Variants in AGAP1 observed in about 807,000 individuals in gnomAD.
AGAP1 encodes the protein ArfGAP with GTPase domain, ankyrin repeat and PH domain 1, also known as arf-GAP with GTPase, ANK repeat and PH domain-containing protein 1.
In AGAP1, 29 loss-of-function variants were observed where a neutral mutation model predicts 105.3. That is an observed-to-expected ratio of 0.28 (90% CI 0.21 to 0.38). AGAP1 has a LOEUF of 0.38. AGAP1 is among the 10% of genes least tolerant of loss of function. The pLI, the probability that AGAP1 is intolerant of heterozygous loss-of-function variation, is 1.00. For missense variants in AGAP1, 998 were observed against 1,165.1 expected (o/e 0.86, Z 2.09); for synonymous variants, 509 against 485.9 (o/e 1.05, Z -0.63).
chr2:235,937,722 GTTCGTGATGTCCGGAGGCATTT>G (rs1469080152), intron 12 of AGAP1, among the ~76,000 whole-genome samples: 1 of 152,216 alleles, frequency 6.6e-6, no homozygotes, highest in African/African-American at 2.4e-5. Context: ...CCTTGGGACA[GTTCGTGATGTCCGGAGGCATTT>G]TTGGTTGTCA....
chr2:236,100,187 C>T (rs975020476), intron 16 of AGAP1, among the ~76,000 whole-genome samples: 5 of 152,188 alleles, frequency 3.3e-5, no homozygotes, highest in African/African-American at 1.2e-4. Context: ...CCGTGCCCCT[C>T]TTCTAAGGTT....
intron 6 of AGAP1, among the ~76,000 whole-genome samples, chr2:235,786,262 C>A (rs892675847): frequency 6.6e-6 from 1 of 152,122 alleles, no homozygotes; most frequent in Non-Finnish European, 1.5e-5. Flanking sequence ...CATCTCCTGG[C>A]CTTTTGAACA....
chr2:235,698,179 G>T (rs1950084343), intron 1 of AGAP1, among the ~76,000 whole-genome samples: 1 of 152,154 alleles, frequency 6.6e-6, no homozygotes, highest in Admixed American at 6.6e-5. Flanking sequence ...GCACTCCTGT[G>T]AGACTCTAAT....
At chr2:235,617,760 A>G (rs562852023) in intron 1 of AGAP1, among the ~76,000 whole-genome samples, 16 of 152,328 alleles carry the variant, frequency 1.1e-4, no homozygotes, top group African/African-American at 3.4e-4. Flanking sequence ...GGCCTGGCTA[A>G]TAGTTTGGAT....
At position 235,669,231 on chromosome 2, in the gene AGAP1, G is replaced by T. The variant is rs1280177723; in HGVS notation, c.164-39948G>T. Among the ~76,000 whole-genome samples the T allele has an allele frequency of 2.6e-5, 4 of 152,176 alleles. No individual in the cohort carries two copies. The South Asian group carries it at 8.3e-4, about 32-fold the overall frequency. On this transcript the variant is annotated intron_variant, in intron 1 of 17. Transcript: ENST00000304032. ...TTCTTGTCTTCCTGGAAGCCCACTT[G>T]TTCCTAGGTGAGGTTGGCGGTAACA...
rs1393468777 is a variant in AGAP1, at chr2:235,787,896, GGACCAAGAGCCAT to G, written c.674-9857_674-9845del. Among the ~76,000 whole-genome samples the G allele has an allele frequency of 6.6e-6, 1 of 151,880 alleles. No homozygotes were observed. The highest frequency in any genetic ancestry group is 1.9e-4 in the East Asian group (1 of 5,174). On this transcript the variant is annotated intron_variant, in intron 6 of 17. Coordinates refer to ENST00000304032, the MANE Select transcript of AGAP1 (RefSeq NM_001037131.3). The surrounding 1 kb of genome is among the most constrained non-coding windows in gnomAD (Gnocchi z 4.4). The stretch of plus-strand genomic sequence containing the variant: ...AGCGTTCTAGACCATGAGCATTCTG[GGACCAAGAGCCAT>G]GACCATGAGCATTCCGGGACCAAGA...
rs200291427 is a variant in AGAP1 at position 235,603,230 on chromosome 2, CCTG to C, written c.164-105947_164-105945del. On this transcript the variant is annotated intron_variant, in intron 1 of 17. Transcript: ENST00000304032. ...TTGCTCGGCTCTCGTCTCTCTCTTG[CCTG>C]CCGCCATGTAAGATGTGCCTTTCAC... Among the ~76,000 whole-genome samples the C allele has an allele frequency of 2.2e-3, 328 of 151,740 alleles. 3 individuals carry two copies. In the South Asian group the frequency reaches 0.022, roughly 10 times the overall value.
rs1007669986 is a variant in AGAP1 at position 236,045,219 on chromosome 2, T to C, written c.1892-3840T>C. On this transcript the variant is annotated intron_variant, in intron 15 of 17. Coordinates refer to ENST00000304032, the MANE Select transcript of AGAP1 (RefSeq NM_001037131.3). This position sits in a 1 kb window ranked among gnomAD's most constrained non-coding sequence, Gnocchi z 6.9. ...GCAGGAGCCACTGTGCTGGGCCTAG[T>C]TTTTTTTATTTTTTCCTGCTTGGTC... Among the ~76,000 whole-genome samples the C allele has an allele frequency of 7.9e-5, 12 of 152,054 alleles. No individual in the cohort carries two copies. The highest frequency in any genetic ancestry group is 2.9e-4 in the African/African-American group (12 of 41,410).
chr2:235,670,472 C>T (rs1948334596), intron 1 of AGAP1: 2 of 522,662 alleles, frequency 3.8e-6, no homozygotes, highest in African/African-American at 2.0e-5. Context: ...CGGCAGCGCC[C>T]CGGCCGAGGA....
chr2:235,673,843 A>G (rs981546804), intron 1 of AGAP1, among the ~76,000 whole-genome samples: 2 of 152,228 alleles, frequency 1.3e-5, no homozygotes, highest in African/African-American at 4.8e-5. Context: ...ATCTTTTCAT[A>G]TTCTTTAAAA....
At chr2:235,693,538 C>T (rs1051079717) in intron 1 of AGAP1, among the ~76,000 whole-genome samples, 4 of 152,114 alleles carry the variant, frequency 2.6e-5, no homozygotes, top group Admixed American at 1.3e-4. Context: ...CACAGTCATG[C>T]GAAGGCATTG....
intron 16 of AGAP1, among the ~76,000 whole-genome samples, chr2:236,094,143 C>G (rs554161228): frequency 6.6e-6 from 1 of 152,208 alleles, no homozygotes; most frequent in South Asian, 2.1e-4. Flanking sequence ...CAACTTCAGT[C>G]TTTTGACAAG....
rs554218426 is a variant in AGAP1, at chr2:235,768,350, CA to C, written c.673+17865del. On this transcript the variant is annotated intron_variant, in intron 6 of 17. Coordinates refer to ENST00000304032, the MANE Select transcript of AGAP1 (RefSeq NM_001037131.3). ...ATCCAATCACAAACTCAGTATTCTT[CA>C]AACATTTTCTCTATCAGAATATGTA... 1.6e-3 allele frequency among the ~76,000 whole-genome samples: 246 copies of C among 152,312 alleles called. 2 individuals carry two copies. Among genetic ancestry groups the C allele is most frequent in the African/African-American group, 5.6e-3 (234 of 41,566 alleles).
At position 236,098,629 on chromosome 2, in the gene AGAP1, T is replaced by G. The variant is rs1002589470; in HGVS notation, c.2115-21563T>G. ...ATGAAATCTTTTTTTCCTTTTTTTTTTTTTTTTTTTAGAGAAACAGGGTCT... is the reference window on the plus strand; with the variant it reads ...ATGAAATCTTTTTTTCCTTTTTTTTGTTTTTTTTTTAGAGAAACAGGGTCT... On this transcript the variant is annotated intron_variant, in intron 16 of 17. Transcript: ENST00000304032. Among the ~76,000 whole-genome samples, 8 of 146,006 alleles carry G rather than the reference T, an allele frequency of 5.5e-5. 1 individual carries two copies. The highest frequency in any genetic ancestry group is 1.9e-4 in the African/African-American group (7 of 37,094).
chr2:236,085,473 A>G (rs905319723), intron 16 of AGAP1, among the ~76,000 whole-genome samples: 19 of 152,052 alleles, frequency 1.2e-4, no homozygotes, highest in Non-Finnish European at 1.5e-5. Flanking sequence ...TCTAGTACCA[A>G]CCTCACTTCC....
At chr2:235,815,504 A>T (rs73998944) in intron 9 of AGAP1, among the ~76,000 whole-genome samples, 1 of 152,006 alleles carries the variant, frequency 6.6e-6, no homozygotes, top group African/African-American at 2.4e-5. Context: ...TTTTGGGGGG[A>T]CGTATTTCAT....
chr2:235,854,671 C>T (rs111724119), intron 9 of AGAP1, among the ~76,000 whole-genome samples: 1 of 152,238 alleles, frequency 6.6e-6, no homozygotes, highest in African/African-American at 2.4e-5. Context: ...GTTTCTTACT[C>T]TCCGAGCTTG....
At chr2:235,598,195 C>T (rs1036714275) in intron 1 of AGAP1, among the ~76,000 whole-genome samples, 2 of 152,052 alleles carry the variant, frequency 1.3e-5, no homozygotes, top group South Asian at 2.1e-4. Context: ...TCTACAGCAT[C>T]CCAGTCTGAG....
At position 235,864,040 on chromosome 2, in the gene AGAP1, T is replaced by A. The variant is rs2049045234; in HGVS notation, c.1051-19305T>A. 6.6e-6 allele frequency among the ~76,000 whole-genome samples: 1 copy of A among 152,200 alleles called. No individual in the cohort carries two copies. Among genetic ancestry groups the A allele is most frequent in the Admixed American group, 6.5e-5 (1 of 15,278 alleles). On this transcript the variant is annotated intron_variant, in intron 9 of 17. Coordinates refer to ENST00000304032, the MANE Select transcript of AGAP1 (RefSeq NM_001037131.3). This position sits in a 1 kb window ranked among gnomAD's most constrained non-coding sequence, Gnocchi z 5.0. ...AGATATAAAAGTCGACTTCATAGCTTGCCTGGTGTGCTCGGTTTTGACTCT... is the reference window on the plus strand; with the variant it reads ...AGATATAAAAGTCGACTTCATAGCTAGCCTGGTGTGCTCGGTTTTGACTCT...
Sources: allele counts gnomAD v4.1 joint callset (sites outside exome capture counted in the v4.1 genomes callset), GRCh38; gene constraint gnomAD v4.1.1; non-coding constraint Gnocchi (gnomAD v3.1); transcripts MANE v1.5; gene names NCBI Gene and HGNC (gene_info 2026-07-23, HGNC 2026-07-21).